The following CALN1 variants were observed in gnomAD, a reference collection of about 807,000 sequenced individuals.
The protein encoded by CALN1 is calneuron 1, also known as calcium-binding protein 8.
A neutral mutation model predicts 30.6 loss-of-function variants in CALN1; 17 were observed. The ratio of observed to expected loss-of-function variants is 0.56; its 90% CI spans 0.38 to 0.83. The LOEUF (loss-of-function observed/expected upper bound fraction) is 0.83, where lower values mean the gene tolerates loss of function less well. CALN1 is among the 40% of genes least tolerant of loss of function. The pLI, the probability that CALN1 is intolerant of heterozygous loss-of-function variation, is 0.00. For missense variants in CALN1, 291 were observed against 354.9 expected, an observed-to-expected ratio of 0.82 and a Z score of 1.45; for synonymous variants, 156 against 131.4, an observed-to-expected ratio of 1.19 and a Z score of -1.28.
At chr7:71,849,872 A>G (rs1016804235) in intron 5 of CALN1, among the ~76,000 whole-genome samples, 1 of 152,052 alleles carries the variant, frequency 6.6e-6, no homozygotes, top group African/African-American at 2.4e-5. Flanking sequence ...GCCTCAAGCA[A>G]TCCTCCCGCC....
intron 6 of CALN1, among the ~76,000 whole-genome samples, chr7:71,792,514 C>T (rs1786629146): frequency 6.6e-6 from 1 of 152,102 alleles, no homozygotes; most frequent in Non-Finnish European, 1.5e-5. Flanking sequence ...AGGTGTGGGT[C>T]TCAGAATCTT....
chr7:72,423,975 GAGGGAGGAAGGA>G (rs1309540849), intron 1 of CALN1, among the ~76,000 whole-genome samples: 1 of 123,646 alleles, frequency 8.1e-6, no homozygotes, highest in African/African-American at 3.0e-5. Flanking sequence ...GGGAGGGAGG[GAGGGAGGAAGGA>G]AGGAAGGAAA....
chr7:72,134,060 C>G lies in CALN1; in HGVS notation c.245-27766G>C, dbSNP rs181227726. 6.6e-5 allele frequency among the ~76,000 whole-genome samples: 10 copies of G among 152,298 alleles called. No homozygotes were observed. The East Asian group carries it at 1.9e-3, about 29-fold the overall frequency. ...GGTTAAGTGATGAGGGCTCTGCCCT[C>G]TTGAATGGATTAGTGCCTTCTGAGA... On this transcript the variant is annotated intron_variant, in intron 3 of 6. Transcript: ENST00000395275.
intron 3 of CALN1, among the ~76,000 whole-genome samples, chr7:72,259,917 A>G (rs1796156555): frequency 6.6e-6 from 1 of 152,208 alleles, no homozygotes; most frequent in South Asian, 2.1e-4. Flanking sequence ...TAAAATGCAA[A>G]AAGGATCTCA....
intron 4 of CALN1, among the ~76,000 whole-genome samples, chr7:72,024,039 G>A (rs1800888646): frequency 6.6e-6 from 1 of 152,108 alleles, no homozygotes; most frequent in Non-Finnish European, 1.5e-5. Flanking sequence ...CACTTAACAT[G>A]GTTATACCTC....
intron 5 of CALN1, among the ~76,000 whole-genome samples, chr7:71,899,103 T>C (rs896747248): frequency 6.7e-6 from 1 of 149,794 alleles, no homozygotes; most frequent in African/African-American, 2.4e-5. Flanking sequence ...ACACAACTTC[T>C]CTCTCTCTCT....
chr7:72,288,486 G>A (rs1463518828), intron 2 of CALN1, among the ~76,000 whole-genome samples: 2 of 152,100 alleles, frequency 1.3e-5, no homozygotes, highest in African/African-American at 2.4e-5. Flanking sequence ...CACTTAGGGG[G>A]AAAGGAATTA....
chr7:72,145,358 C>T (rs1290616950), intron 3 of CALN1, among the ~76,000 whole-genome samples: 2 of 152,300 alleles, frequency 1.3e-5, no homozygotes, highest in South Asian at 4.1e-4. Flanking sequence ...CACAAATAAA[C>T]TAGAAAATCT....
At chr7:71,868,921 AC>A (rs1229814917) in intron 5 of CALN1, among the ~76,000 whole-genome samples, 1 of 152,222 alleles carries the variant, frequency 6.6e-6, no homozygotes, top group Non-Finnish European at 1.5e-5. Context: ...GTTGAAATAT[AC>A]GCTGACTCCA....
chr7:71,860,694 C>A (rs182008805), intron 5 of CALN1, among the ~76,000 whole-genome samples: 1 of 152,200 alleles, frequency 6.6e-6, no homozygotes, highest in East Asian at 1.9e-4. Flanking sequence ...CAAAGAAACA[C>A]CAGGTCAATG....
intron 4 of CALN1, among the ~76,000 whole-genome samples, chr7:72,083,215 G>A (rs1210681366): frequency 6.6e-6 from 1 of 152,064 alleles, no homozygotes; most frequent in Admixed American, 6.6e-5. Flanking sequence ...AAAGATGCAA[G>A]AAAGTGTGAC....
At position 71,877,790 on chromosome 7, in the gene CALN1, G is replaced by A. The variant is rs114879633; in HGVS notation, c.502-67298C>T. Among the ~76,000 whole-genome samples, 311 of 152,268 alleles carry A rather than the reference G, an allele frequency of 2.0e-3. 2 individuals carry two copies. Among genetic ancestry groups the A allele is most frequent in the African/African-American group, 7.4e-3 (307 of 41,550 alleles). On this transcript the variant is annotated intron_variant, in intron 5 of 6. Transcript: ENST00000395275. ...ACTGTTTTAATGGAATGGAATTTAT[G>A]TTCATTTGAAAGAACAAATACATGC... is the stretch of plus-strand genomic sequence containing the variant.
intron 4 of CALN1, among the ~76,000 whole-genome samples, chr7:72,095,166 G>C (rs767750469): frequency 3.9e-5 from 6 of 152,022 alleles, no homozygotes; most frequent in Admixed American, 1.3e-4. Flanking sequence ...TAGAAACCTC[G>C]GTACTTCATT....
At chr7:72,114,532 C>G (rs562328122) in intron 3 of CALN1, among the ~76,000 whole-genome samples, 2 of 151,862 alleles carry the variant, frequency 1.3e-5, no homozygotes, top group Admixed American at 6.6e-5. Flanking sequence ...AAATGATGAT[C>G]GCTGCATAGA....
intron 1 of CALN1, among the ~76,000 whole-genome samples, chr7:72,411,407 T>C (rs1271841596): frequency 6.6e-6 from 1 of 152,160 alleles, no homozygotes; most frequent in Non-Finnish European, 1.5e-5. Context: ...TTTTCTATGT[T>C]AGAGAAAAGA....
intron 3 of CALN1, among the ~76,000 whole-genome samples, chr7:72,142,208 A>G (rs543834079): frequency 6.6e-6 from 1 of 152,296 alleles, no homozygotes; most frequent in East Asian, 1.9e-4. Flanking sequence ...GGGGTCAGGG[A>G]ATTCCCCTTC....
At chr7:72,276,189 G>T (rs1797321497) in intron 3 of CALN1, among the ~76,000 whole-genome samples, 1 of 152,130 alleles carries the variant, frequency 6.6e-6, no homozygotes, top group South Asian at 2.1e-4. Flanking sequence ...TGCACGCATG[G>T]GGGACTCCCA....
intron 3 of CALN1, among the ~76,000 whole-genome samples, chr7:72,111,466 T>A (rs1247539448): frequency 6.6e-6 from 1 of 150,718 alleles, no homozygotes; most frequent in Non-Finnish European, 1.5e-5. Context: ...TGGTAACTTA[T>A]TTTTTTTTTC....
chr7:72,481,711 C>T, the CALN1 span, among the ~76,000 whole-genome samples: 1 of 152,114 alleles, frequency 6.6e-6, no homozygotes, highest in Admixed American at 6.6e-5. Flanking sequence ...TCTTCTTTAA[C>T]CCGTGGGTTT....
Sources: gnomAD v4.1 joint callset for allele counts (sites outside exome capture counted in the v4.1 genomes callset) on GRCh38, gnomAD v4.1.1 for gene constraint, MANE v1.5 for transcripts, NCBI Gene and HGNC (gene_info 2026-07-23, HGNC 2026-07-21) for gene names.